The following RBFOX1 variants were observed in gnomAD, a reference collection of about 807,000 sequenced individuals.
RBFOX1 encodes RNA binding protein fox-1 homolog 1.
RBFOX1 carries 8 observed loss-of-function variants against 57.7 expected under a neutral mutation model. That is an observed-to-expected ratio of 0.14 (90% CI 0.08 to 0.25). The LOEUF is 0.25. Among genes scored for constraint, RBFOX1 ranks in the 10% least tolerant of loss-of-function variants. The probability of loss-of-function intolerance (pLI) is 1.00; values close to 1 mark genes in which losing one functional copy is unlikely to be tolerated. For synonymous variants in RBFOX1, 326 were observed against 222.4 expected (o/e 1.47, Z -4.15); for missense variants, 611 against 548.5 (o/e 1.11, Z -1.14).
chr16:6,992,382 T>A (rs1202849273), intron 3 of RBFOX1, among the ~76,000 whole-genome samples: 1 of 152,104 alleles, frequency 6.6e-6, no homozygotes, highest in African/African-American at 2.4e-5. Context: ...CATGCCCAGC[T>A]AATTTTTGTA....
Position 5,997,740 on chromosome 16 carries a change from C to T in RBFOX1, c.351+130405C>T, listed in dbSNP as rs565365716. ...CCAAGAGCAAAATAAGCCTCATTCC[C>T]GTAAAAGTTTCTGTTAAATCTCACT... On this transcript the variant is annotated intron_variant, in intron 4 of 19. Transcript: ENST00000641259. Among the ~76,000 whole-genome samples, 6 of 152,242 alleles carry T rather than the reference C, an allele frequency of 3.9e-5. 1 individual carries two copies. In the South Asian group the frequency reaches 6.2e-4, roughly 16 times the overall value.
chr16:6,435,302 G>GTTGTGTTTTTGT (rs2094203377), intron 2 of RBFOX1, among the ~76,000 whole-genome samples: 1 of 151,268 alleles, frequency 6.6e-6, no homozygotes, highest in Non-Finnish European at 1.5e-5. Flanking sequence ...GTTGTTTTTT[G>GTTGTGTTTTTGT]TTTTGTTTTT....
chr16:7,233,232 T>C (rs75891353), intron 4 of RBFOX1, among the ~76,000 whole-genome samples: 4,730 of 151,256 alleles, frequency 0.031, 227 homozygotes, highest in African/African-American at 0.11. Context: ...TTTTTTTTCC[T>C]GATTCTTATC....
intron 4 of RBFOX1, among the ~76,000 whole-genome samples, chr16:7,083,849 C>T (rs1439048195): frequency 1.3e-5 from 2 of 152,048 alleles, no homozygotes; most frequent in South Asian, 2.1e-4. Flanking sequence ...TTGGTGGCTC[C>T]CTTGGTTCTC....
chr16:6,238,050 C>T (rs1212163582), intron 1 of RBFOX1, among the ~76,000 whole-genome samples: 1 of 140,448 alleles, frequency 7.1e-6, no homozygotes, highest in Admixed American at 7.5e-5. Context: ...GAAATCGCGC[C>T]ACTGTACTCC....
intron 4 of RBFOX1, among the ~76,000 whole-genome samples, chr16:6,009,816 C>CTGTGTGTGTCTGTG (rs1555469439): frequency 1.2e-3 from 181 of 148,530 alleles, no homozygotes; most frequent in African/African-American, 4.3e-3. Flanking sequence ...GTGTGTGTGT[C>CTGTGTGTGTCTGTG]TGTGTGTGTG....
chr16:6,101,010 T>A (rs2096300429), intron 1 of RBFOX1, among the ~76,000 whole-genome samples: 1 of 152,136 alleles, frequency 6.6e-6, no homozygotes, highest in African/African-American at 2.4e-5. Context: ...GTTCCTCCTA[T>A]AGAGTTTTAG....
intron 2 of RBFOX1, among the ~76,000 whole-genome samples, chr16:6,621,410 A>G (rs1184826440): frequency 1.3e-5 from 2 of 152,126 alleles, no homozygotes; most frequent in East Asian, 1.9e-4. Flanking sequence ...CTTGCAGTGA[A>G]CCAAGATTGC....
intron 3 of RBFOX1, among the ~76,000 whole-genome samples, chr16:6,931,130 G>C (rs1021820968): frequency 6.6e-6 from 1 of 151,946 alleles, no homozygotes; most frequent in Non-Finnish European, 1.5e-5. Flanking sequence ...AAAGGTTGTA[G>C]TTTTAAGAAA....
intron 3 of RBFOX1, among the ~76,000 whole-genome samples, chr16:6,989,487 T>C (rs1225555648): frequency 2.0e-5 from 3 of 152,204 alleles, no homozygotes; most frequent in Non-Finnish European, 2.9e-5. Flanking sequence ...TCTGTAATTA[T>C]TATATAGCAA....
chr16:6,069,853 G>C (rs1386281318), intron 1 of RBFOX1, among the ~76,000 whole-genome samples: 2 of 151,978 alleles, frequency 1.3e-5, no homozygotes, highest in Non-Finnish European at 2.9e-5. Flanking sequence ...CGAGTGTAGT[G>C]GTGCATGCCT....
At chr16:6,872,265 C>T (rs377272468) in intron 3 of RBFOX1, among the ~76,000 whole-genome samples, 1 of 152,152 alleles carries the variant, frequency 6.6e-6, no homozygotes, top group Non-Finnish European at 1.5e-5. Flanking sequence ...GAATAAAACA[C>T]ATCTATCCAG....
chr16:6,456,308 G>C (rs977684149), intron 2 of RBFOX1, among the ~76,000 whole-genome samples: 30 of 152,114 alleles, frequency 2.0e-4, no homozygotes, highest in African/African-American at 7.0e-4. Flanking sequence ...ATCTATTCAA[G>C]CTTTGTTTTT....
chr16:6,750,567 T>G (rs2074733251), intron 3 of RBFOX1, among the ~76,000 whole-genome samples: 1 of 152,240 alleles, frequency 6.6e-6, no homozygotes, highest in Non-Finnish European at 1.5e-5. Context: ...GACCGAACTA[T>G]GGTATCTAAA....
intron 4 of RBFOX1, among the ~76,000 whole-genome samples, chr16:7,219,825 C>G (rs916607088): frequency 2.0e-5 from 3 of 152,106 alleles, no homozygotes; most frequent in Non-Finnish European, 2.9e-5. Context: ...TGACCTTCCA[C>G]CAAAGGATTT....
intron 3 of RBFOX1, among the ~76,000 whole-genome samples, chr16:6,899,057 T>A (rs183047677): frequency 5.2e-4 from 79 of 151,312 alleles, no homozygotes; most frequent in African/African-American, 1.9e-3. Context: ...TGTGTATGTA[T>A]AATACATGTA....
intron 4 of RBFOX1, among the ~76,000 whole-genome samples, chr16:5,963,176 C>T (rs537500236): frequency 7.0e-4 from 107 of 152,196 alleles, no homozygotes; most frequent in Middle Eastern, 3.4e-3. Flanking sequence ...TGCCCACATC[C>T]GTCTTTATAG....
chr16:5,864,035 G>C (rs577287573), intron 3 of RBFOX1, among the ~76,000 whole-genome samples: 1 of 152,024 alleles, frequency 6.6e-6, no homozygotes, highest in South Asian at 2.1e-4. Flanking sequence ...ATTATTTTTC[G>C]TGATCCTCCC....
intron 9 of RBFOX1, among the ~76,000 whole-genome samples, chr16:7,598,049 C>T (rs1302891363): frequency 6.6e-6 from 1 of 152,096 alleles, no homozygotes; most frequent in Non-Finnish European, 1.5e-5. Flanking sequence ...TCTGAAAACT[C>T]CTCCTAAAAA....
Sources: gnomAD v4.1 joint callset for allele counts (sites outside exome capture counted in the v4.1 genomes callset) on GRCh38, gnomAD v4.1.1 for gene constraint, MANE v1.5 for transcripts, NCBI Gene and HGNC (gene_info 2026-07-23, HGNC 2026-07-21) for gene names.